Variants in DENND1B observed in about 807,000 individuals in gnomAD.
DENND1B encodes the protein DENN domain-containing protein 1B.
A neutral mutation model predicts 90.1 loss-of-function variants in DENND1B; 59 were observed. That is an observed-to-expected ratio of 0.65 (90% CI 0.53 to 0.81). The LOEUF is 0.81. Ranked by LOEUF, DENND1B falls within the 40% of genes least tolerant of loss-of-function variation. DENND1B has a pLI of 0.00. For synonymous variants in DENND1B, 337 were observed against 324.6 expected (o/e 1.04, Z -0.41); for missense variants, 862 against 912.6 (o/e 0.94, Z 0.71).
chr1:197,507,024 T>C lies in DENND1B; in HGVS notation c.*3436A>G, dbSNP rs1227527547. ...TTAGCATAATAATTGAGAAAGTTAA[T>C]GAAATTAGAAATGATACTATGGTTC... is the stretch of plus-strand genomic sequence containing the variant. On this transcript the variant is annotated 3_prime_UTR_variant, in exon 23 of 23. Coordinates refer to ENST00000620048, the MANE Select transcript of DENND1B (RefSeq NM_001195215.2). The C allele has an allele frequency of 6.6e-6, 1 of 151,232 alleles. No homozygotes were observed. Among genetic ancestry groups the C allele is most frequent in the Non-Finnish European group, 1.5e-5 (1 of 67,534 alleles). The allele number at this position is 151,232 out of a possible 1,614,324, so 9.4% of individuals were successfully genotyped here.
At chr1:197,657,758 C>T (rs947083656) in intron 6 of DENND1B, among the ~76,000 whole-genome samples, 1 of 152,068 alleles carries the variant, frequency 6.6e-6, no homozygotes, top group Non-Finnish European at 1.5e-5. Flanking sequence ...TAGGTATATA[C>T]CCAAAAGGAT....
At chr1:197,548,517 T>C (rs1054309156) in intron 16 of DENND1B, among the ~76,000 whole-genome samples, 1 of 152,164 alleles carries the variant, frequency 6.6e-6, no homozygotes, top group Non-Finnish European at 1.5e-5. Flanking sequence ...TGAAGAAATA[T>C]CATAAATGAT....
chr1:197,660,415 C>T (rs976718242), intron 5 of DENND1B, among the ~76,000 whole-genome samples: 1 of 151,860 alleles, frequency 6.6e-6, no homozygotes, highest in South Asian at 2.1e-4. Flanking sequence ...TCAATCTCAA[C>T]TATCATATAG....
chr1:197,731,686 T>C lies in DENND1B; in HGVS notation c.83-16612A>G, dbSNP rs543409941. Among the ~76,000 whole-genome samples, 99 of 152,244 alleles carry C rather than the reference T, an allele frequency of 6.5e-4. 1 individual carries two copies. The highest frequency in any genetic ancestry group is 2.3e-3 in the African/African-American group (97 of 41,548). On this transcript the variant is annotated intron_variant, in intron 2 of 22. Transcript: ENST00000620048. ...ATCATCTCAGGCCCCACATAAAATA[T>C]ACTAAAAATAGCTGATGAGCAAAAA...
chr1:197,527,248 T>G (rs1005549985), intron 20 of DENND1B, among the ~76,000 whole-genome samples: 8 of 152,034 alleles, frequency 5.3e-5, no homozygotes, highest in Non-Finnish European at 1.2e-4. Context: ...CATGGACGTG[T>G]GTTAAAAGAA....
At chr1:197,594,203 C>T (rs6667685) in intron 14 of DENND1B, among the ~76,000 whole-genome samples, 58,400 of 151,954 alleles carry the variant, frequency 0.38, 13,805 homozygotes, top group East Asian at 0.66. Context: ...AGGAATCCTT[C>T]CAATAATTAG....
intron 20 of DENND1B, among the ~76,000 whole-genome samples, chr1:197,538,895 C>A (rs1670120064): frequency 6.6e-6 from 1 of 151,872 alleles, no homozygotes; most frequent in South Asian, 2.1e-4. Flanking sequence ...GTGAGTTTGG[C>A]CCCCTCATCT....
At chr1:197,774,952 T>A (rs1013275616) in intron 1 of DENND1B, among the ~76,000 whole-genome samples, 187 bp downstream of exon 1, 4 of 152,040 alleles carry the variant, frequency 2.6e-5, no homozygotes, top group African/African-American at 9.7e-5. Flanking sequence ...GCGGGCAGGC[T>A]TTGCGGCCTA....
chr1:197,704,067 G>C (rs1006569768), intron 3 of DENND1B, among the ~76,000 whole-genome samples: 20 of 152,020 alleles, frequency 1.3e-4, no homozygotes, highest in African/African-American at 4.8e-4. Context: ...AATAGGGTGA[G>C]ACCCCATCTC....
chr1:197,651,459 T>C (rs995898402), intron 7 of DENND1B, among the ~76,000 whole-genome samples: 12 of 152,010 alleles, frequency 7.9e-5, no homozygotes, highest in Non-Finnish European at 1.6e-4. Flanking sequence ...TTTGTGATTA[T>C]ACTAGAAGAC....
chr1:197,702,167 TGA>T (rs1659103439), intron 3 of DENND1B, among the ~76,000 whole-genome samples: 1 of 152,190 alleles, frequency 6.6e-6, no homozygotes, highest in Admixed American at 6.5e-5. Flanking sequence ...AATAGGAAGT[TGA>T]ACTTCTAATA....
chr1:197,618,707 A>C (rs554875311), intron 10 of DENND1B, among the ~76,000 whole-genome samples: 1 of 151,162 alleles, frequency 6.6e-6, no homozygotes, highest in East Asian at 1.9e-4. Flanking sequence ...TAATCATTTT[A>C]AAGTTTTGCT....
intron 15 of DENND1B, among the ~76,000 whole-genome samples, chr1:197,566,414 C>A (rs1312297392): frequency 6.6e-6 from 1 of 151,900 alleles, no homozygotes; most frequent in Admixed American, 6.6e-5. Context: ...GAATAGGTTG[C>A]AAAAATTTTC....
intron 10 of DENND1B, among the ~76,000 whole-genome samples, chr1:197,642,327 T>C (rs921380769): frequency 1.3e-5 from 2 of 152,190 alleles, no homozygotes; most frequent in African/African-American, 2.4e-5. Context: ...CAGGTTAGGA[T>C]AGCAGCTATT....
chr1:197,583,404 A>T (rs1338063751), intron 14 of DENND1B, 151 bp from the exon 15 acceptor site: 1 of 631,358 alleles, frequency 1.6e-6, no homozygotes, highest in Non-Finnish European at 2.7e-6. Context: ...GGCTAGTAGA[A>T]ATATTCCTCT....
intron 10 of DENND1B, among the ~76,000 whole-genome samples, chr1:197,619,669 G>A (rs1367839109): frequency 1.3e-5 from 2 of 151,180 alleles, no homozygotes; most frequent in Non-Finnish European, 3.0e-5. Flanking sequence ...GGCATACCCA[G>A]AGTCCAAAGC....
rs548128171 is a variant in DENND1B at position 197,567,184 on chromosome 1, T to C, written c.1150-14072A>G. ...AAATTGGAAATGGAAGAGGACACAG[T>C]TCAACTGATACTACAGAAATATAAA... On this transcript the variant is annotated intron_variant, in intron 15 of 22. Transcript: ENST00000620048. 7.9e-5 allele frequency among the ~76,000 whole-genome samples: 12 copies of C among 152,114 alleles called. No homozygotes were observed. The South Asian group carries it at 1.9e-3, about 24-fold the overall frequency.
At chr1:197,764,147 A>G (rs2102473100) in intron 2 of DENND1B, among the ~76,000 whole-genome samples, 1 of 152,330 alleles carries the variant, frequency 6.6e-6, no homozygotes, top group South Asian at 2.1e-4. Flanking sequence ...TTAAGAGCTC[A>G]GGCTCTAGTA....
intron 15 of DENND1B, among the ~76,000 whole-genome samples, chr1:197,576,125 A>T (rs929366673): frequency 6.6e-6 from 1 of 152,192 alleles, no homozygotes; most frequent in Admixed American, 6.5e-5. Context: ...AATCTAAAGA[A>T]TAGAAAAGAC....
Sources: allele counts gnomAD v4.1 joint callset (sites outside exome capture counted in the v4.1 genomes callset), GRCh38; gene constraint gnomAD v4.1.1; transcripts MANE v1.5; gene names NCBI Gene and HGNC (gene_info 2026-07-23, HGNC 2026-07-21).